EML1: variants seen among roughly 807,000 people sequenced by gnomAD.
The protein encoded by EML1 is EMAP like 1.
EML1 carries 27 observed loss-of-function variants against 110.4 expected under a neutral mutation model. The ratio of observed to expected loss-of-function variants is 0.24; its 90% CI spans 0.18 to 0.34. EML1 has a LOEUF of 0.34. Among genes scored for constraint, EML1 ranks in the 10% least tolerant of loss-of-function variants. The probability of loss-of-function intolerance (pLI) is 1.00; values close to 1 mark genes in which losing one functional copy is unlikely to be tolerated. For synonymous variants in EML1, 344 were observed against 385.8 expected (o/e 0.89, Z 1.27); for missense variants, 741 against 1,030.9 (o/e 0.72, Z 3.85).
At chr14:99,755,538 G>T (rs1008365465) in intron 1 of EML1, among the ~76,000 whole-genome samples, 1 of 152,176 alleles carries the variant, frequency 6.6e-6, no homozygotes, top group African/African-American at 2.4e-5. Context: ...GCTTAGTGGT[G>T]CCAGCTGTGG....
intron 1 of EML1, among the ~76,000 whole-genome samples, chr14:99,821,764 A>G (rs1021367996): frequency 6.6e-6 from 1 of 152,242 alleles, no homozygotes; most frequent in Non-Finnish European, 1.5e-5. Flanking sequence ...GTGACAACAC[A>G]TGATGAAATG....
intron 1 of EML1, among the ~76,000 whole-genome samples, chr14:99,823,999 TG>T (rs2139753932): frequency 6.6e-6 from 1 of 152,256 alleles, no homozygotes; most frequent in African/African-American, 2.4e-5. Context: ...GTCGCCAGGC[TG>T]GAATGGAGTG....
chr14:99,802,798 A>G (rs1319612759), intron 1 of EML1, among the ~76,000 whole-genome samples: 1 of 152,088 alleles, frequency 6.6e-6, no homozygotes, highest in Non-Finnish European at 1.5e-5. Context: ...ATCAGCATCC[A>G]GATAGTAATG....
In EML1 at chr14:99,912,336, C is replaced by T. The variant is rs550282401; in HGVS notation, c.1494+760C>T. ...CCTTTTGATACCCGGTGTACCTCCCCATTATCTACTTGGCAGCCCTGCATT... is the reference window on the plus strand; with the variant it reads ...CCTTTTGATACCCGGTGTACCTCCCTATTATCTACTTGGCAGCCCTGCATT... On this transcript the variant is annotated intron_variant, in intron 13 of 21. Transcript: ENST00000262233. Among the ~76,000 whole-genome samples, 3 of 152,252 alleles carry T rather than the reference C, an allele frequency of 2.0e-5. No individual in the cohort carries two copies. In the South Asian group the frequency reaches 6.2e-4, roughly 32 times the overall value.
At chr14:99,779,931 C>G (rs906906701) in intron 1 of EML1, among the ~76,000 whole-genome samples, 2 of 152,154 alleles carry the variant, frequency 1.3e-5, no homozygotes, top group African/African-American at 2.4e-5. Flanking sequence ...CTTGGGCTGC[C>G]ATAGCAAAAT....
At chr14:99,807,020 GT>G (rs986088454) in intron 1 of EML1, among the ~76,000 whole-genome samples, 2 of 150,852 alleles carry the variant, frequency 1.3e-5, no homozygotes, top group African/African-American at 4.9e-5. Context: ...CTGAGTTTTT[GT>G]TTTTTTTTAA....
Position 99,897,092 on chromosome 14 carries a change from A to G in EML1, c.678-53A>G, listed in dbSNP as rs2059683249. On this transcript the variant is annotated intron_variant, in intron 6 of 21. Coordinates refer to ENST00000262233, the MANE Select transcript of EML1 (RefSeq NM_004434.3). ...TGCCTGTGCCTGTTGAATAAAGCTG[A>G]TGTTTTGTCAGCTCTTAAAGGGAAA... 27 of 1,443,504 alleles carry G rather than the reference A, an allele frequency of 1.9e-5. No homozygotes were observed. In the South Asian group the frequency reaches 4.2e-4, roughly 22 times the overall value. The allele number at this position is 1,443,504 out of a possible 1,614,324, so 89.4% of individuals were successfully genotyped here.
chr14:99,923,581 T>C, intron 17 of EML1, among the ~76,000 whole-genome samples: 1 of 152,264 alleles, frequency 6.6e-6, no homozygotes, highest in African/African-American at 2.4e-5. Context: ...CAATGACACT[T>C]TTGTCAAAAA....
intron 1 of EML1, among the ~76,000 whole-genome samples, chr14:99,839,516 C>T (rs932815748): frequency 6.6e-6 from 1 of 152,210 alleles, no homozygotes; most frequent in Non-Finnish European, 1.5e-5. Context: ...CCAAGGTAAA[C>T]ACAGTCACAT....
At chr14:99,819,235 A>C (rs1212483824) in intron 1 of EML1, among the ~76,000 whole-genome samples, 1 of 152,300 alleles carries the variant, frequency 6.6e-6, no homozygotes, top group East Asian at 1.9e-4. Flanking sequence ...GACTACAGGC[A>C]TGAGCCACTG....
intron 1 of EML1, among the ~76,000 whole-genome samples, chr14:99,849,412 T>G (rs1212106243): frequency 6.6e-6 from 1 of 152,200 alleles, no homozygotes; most frequent in Non-Finnish European, 1.5e-5. Context: ...TCTTTGGTTT[T>G]CAACAGTTTG....
intron 1 of EML1, among the ~76,000 whole-genome samples, chr14:99,738,726 C>T (rs2140155779): frequency 6.6e-6 from 1 of 152,322 alleles, no homozygotes; most frequent in Admixed American, 6.5e-5. Context: ...TGTGTGAAAG[C>T]GCCTGTGGGT....
At chr14:99,854,529 A>C (rs1595383559) in intron 2 of EML1, among the ~76,000 whole-genome samples, 1 of 152,262 alleles carries the variant, frequency 6.6e-6, no homozygotes, top group South Asian at 2.1e-4. Flanking sequence ...TGCTTGCACC[A>C]GTTACCCAGG....
rs549613342 is a variant in EML1 at position 99,899,276 on chromosome 14, A to G, written c.897+974A>G. The G allele has an allele frequency of 8.5e-5, 13 of 152,228 alleles. No individual in the cohort carries two copies. In the South Asian group the frequency reaches 2.7e-3, roughly 32 times the overall value. The allele number at this position is 152,228 out of a possible 1,614,324, so 9.4% of individuals were successfully genotyped here. A position where few individuals can be genotyped will look rare whatever the true frequency, so the allele number is the denominator to read the frequency against. On this transcript the variant is annotated intron_variant, in intron 8 of 21. Transcript: ENST00000262233. ...CCATATTTCAGAAAATATTTTAGTA[A>G]CATTGGATTTTAAATATTAATCTTA...
chr14:99,800,066 C>T (rs1262382922), intron 1 of EML1, among the ~76,000 whole-genome samples: 2 of 152,132 alleles, frequency 1.3e-5, no homozygotes, highest in African/African-American at 4.8e-5. Context: ...TTTTAAACAC[C>T]TTCAGAAGCA....
Position 99,831,615 on chromosome 14 carries a change from C to G in EML1, c.68-19238C>G, listed in dbSNP as rs535555036. ...TACTGGCCTGGAATACAACTATTTT[C>G]TCTTTTTTTAAATGAACGAGTTCAT... On this transcript the variant is annotated intron_variant, in intron 1 of 21. Coordinates refer to ENST00000262233, the MANE Select transcript of EML1 (RefSeq NM_004434.3). 1.1e-4 allele frequency among the ~76,000 whole-genome samples: 16 copies of G among 152,216 alleles called. No homozygotes were observed. In the South Asian group the frequency reaches 1.7e-3, roughly 16 times the overall value.
At chr14:99,739,268 C>T (rs1453488562) in intron 1 of EML1, among the ~76,000 whole-genome samples, 2 of 152,054 alleles carry the variant, frequency 1.3e-5, no homozygotes, top group Admixed American at 6.5e-5. Context: ...CGGGAGCCAG[C>T]AGACAGCTCT....
intron 17 of EML1, among the ~76,000 whole-genome samples, chr14:99,935,776 C>T (rs1267630145): frequency 5.7e-5 from 6 of 105,572 alleles, no homozygotes; most frequent in South Asian, 6.3e-4. Context: ...AGCGAGACTC[C>T]GTCTCAAAAA....
intron 3 of EML1, among the ~76,000 whole-genome samples, chr14:99,866,891 G>T (rs2059112276): frequency 6.6e-6 from 1 of 152,080 alleles, no homozygotes; most frequent in African/African-American, 2.4e-5. Flanking sequence ...TGATTTTAAG[G>T]CTGGATAATA....
Sources: gnomAD v4.1 joint callset for allele counts (sites outside exome capture counted in the v4.1 genomes callset) on GRCh38, gnomAD v4.1.1 for gene constraint, MANE v1.5 for transcripts, NCBI Gene and HGNC (gene_info 2026-07-23, HGNC 2026-07-21) for gene names.